ANKRD18B: variants seen among roughly 807,000 people sequenced by gnomAD.
The protein encoded by ANKRD18B is ankyrin repeat domain 18B.
ANKRD18B carries 75 observed loss-of-function variants against 111.8 expected under a neutral mutation model. That is an observed-to-expected ratio of 0.67 (90% CI 0.56 to 0.81). The LOEUF is 0.81. Among genes scored for constraint, ANKRD18B ranks in the 40% least tolerant of loss-of-function variants. The pLI, the probability that ANKRD18B is intolerant of heterozygous loss-of-function variation, is 0.00. For missense variants in ANKRD18B, 1,038 were observed against 1,225.5 expected (o/e 0.85, Z 2.28); for synonymous variants, 356 against 417.3 (o/e 0.85, Z 1.79).
chr9:33,546,938 C>G (rs775048826), intron 10 of ANKRD18B, among the ~76,000 whole-genome samples: 1 of 152,082 alleles, frequency 6.6e-6, no homozygotes, highest in African/African-American at 2.4e-5. Flanking sequence ...CAGTTTCACT[C>G]GGCTCCTTGT....
At chr9:33,567,078 A>C (rs2118133954) in intron 15 of ANKRD18B, 25 bp from the exon 16 acceptor site, 1 of 1,502,450 alleles carries the variant, frequency 6.7e-7, no homozygotes, top group Non-Finnish European at 8.9e-7. Flanking sequence ...TTGTTTTAAA[A>C]GTGTATTCTT....
At chr9:33,531,351 C>A (rs1353151423) in intron 3 of ANKRD18B, among the ~76,000 whole-genome samples, 1 of 152,152 alleles carries the variant, frequency 6.6e-6, no homozygotes, top group East Asian at 1.9e-4. Context: ...TTGGTTTATA[C>A]ACAATCATTT....
intron 14 of ANKRD18B, among the ~76,000 whole-genome samples, chr9:33,564,149 G>A (rs1488031383): frequency 6.6e-6 from 1 of 152,188 alleles, no homozygotes; most frequent in Non-Finnish European, 1.5e-5. Flanking sequence ...ACTTTGTAGA[G>A]ATGTCTTTCT....
At chr9:33,531,901 T>G (rs1314491996) in intron 3 of ANKRD18B, among the ~76,000 whole-genome samples, 2 of 152,016 alleles carry the variant, frequency 1.3e-5, no homozygotes, top group Non-Finnish European at 2.9e-5. Flanking sequence ...TTATGAATAT[T>G]GCAGACATTA....
intron 5 of ANKRD18B, among the ~76,000 whole-genome samples, chr9:33,535,159 G>A (rs560870079): frequency 6.6e-6 from 1 of 152,024 alleles, no homozygotes; most frequent in Non-Finnish European, 1.5e-5. Context: ...CTGTATTGCT[G>A]CCATTGTAAC....
At chr9:33,530,494 T>C (rs542121987) in intron 3 of ANKRD18B, among the ~76,000 whole-genome samples, 30 of 115,962 alleles carry the variant, frequency 2.6e-4, no homozygotes, top group African/African-American at 9.9e-4. Context: ...TAAAAATACA[T>C]AGTAAGACTC....
chr9:33,558,690 T>C (rs1310140118), intron 14 of ANKRD18B, among the ~76,000 whole-genome samples: 1 of 152,192 alleles, frequency 6.6e-6, no homozygotes, highest in East Asian at 1.9e-4. Flanking sequence ...CAATAATTTA[T>C]ATTTAAACGT....
chr9:33,550,163 G>A, intron 11 of ANKRD18B, among the ~76,000 whole-genome samples: 1 of 152,168 alleles, frequency 6.6e-6, no homozygotes, highest in East Asian at 1.9e-4. Context: ...GAATATGTGA[G>A]GAACTCAGGT....
chr9:33,548,611 G>A lies in ANKRD18B; in HGVS notation c.1823G>A (p.Gly608Glu), dbSNP rs1321085597. The change falls in exon 11 of 19, where the codon GGA becomes GAA. Residue 608 changes from glycine to glutamate, a missense_variant. Around this residue, in one of 4 missense-constraint regions of ANKRD18B, gnomAD observed 524 missense variants for 677.9 expected, o/e 0.77. Coordinates refer to ENST00000684830, the MANE Select transcript of ANKRD18B (RefSeq NM_001393611.1). Reference sequence around the variant, plus strand: ...GAAGCTAAAGAAAGTCAATCCATTGGAAAGCAGAACTCTTCAGAGGAGAGA... The same window carrying A: ...GAAGCTAAAGAAAGTCAATCCATTGAAAAGCAGAACTCTTCAGAGGAGAGA... ...NGEAKESQSI[G>E]KQNSSEERIR... 1 of 1,551,322 alleles carries A rather than the reference G, an allele frequency of 6.4e-7. No homozygotes were observed. The highest frequency in any genetic ancestry group is 2.4e-5 in the East Asian group (1 of 40,914).
In ANKRD18B at chr9:33,548,865, A is replaced by G. The variant is rs193129997; in HGVS notation, c.2067+10A>G. ...AAAAGCAGAAAGAGAAGTAAGTATG[A>G]AGAAAACTATAACCTTCTGGAAAGA... On this transcript the variant is annotated intron_variant, in intron 11 of 18. Transcript: ENST00000684830. The G allele has an allele frequency of 2.0e-5, 29 of 1,469,036 alleles. No homozygotes were observed. In the Admixed American group the frequency reaches 8.2e-4, roughly 42 times the overall value. The allele number at this position is 1,469,036 out of a possible 1,614,324, so 91.0% of individuals were successfully genotyped here. A position where few individuals can be genotyped will look rare whatever the true frequency, so the allele number is the denominator to read the frequency against.
At chr9:33,564,804 A>T (rs1041855951) in intron 14 of ANKRD18B, among the ~76,000 whole-genome samples, 2 of 152,102 alleles carry the variant, frequency 1.3e-5, no homozygotes, top group African/African-American at 4.8e-5. Context: ...GTGATACTGA[A>T]CATTTTTAAA....
At chr9:33,571,220 A>G in intron 17 of ANKRD18B, 26 bp from the exon 18 acceptor site, 1 of 839,834 alleles carries the variant, frequency 1.2e-6, no homozygotes, top group Non-Finnish European at 1.4e-6. Flanking sequence ...AAACATTATT[A>G]TTATTTTTTT....
chr9:33,551,548 T>C (rs1292104792), intron 12 of ANKRD18B, among the ~76,000 whole-genome samples: 2 of 152,110 alleles, frequency 1.3e-5, no homozygotes, highest in Non-Finnish European at 2.9e-5. Flanking sequence ...GCAGAATGTT[T>C]TCAGAATTTT....
chr9:33,537,342 G>C (rs1439046427), intron 6 of ANKRD18B, among the ~76,000 whole-genome samples: 1 of 151,920 alleles, frequency 6.6e-6, no homozygotes, highest in Non-Finnish European at 1.5e-5. Flanking sequence ...AATCATAAAA[G>C]AGCAGTTTAA....
intron 5 of ANKRD18B, among the ~76,000 whole-genome samples, chr9:33,536,406 T>G (rs954114460): frequency 6.6e-6 from 1 of 152,204 alleles, no homozygotes; most frequent in Non-Finnish European, 1.5e-5. Flanking sequence ...CCAAAATGGT[T>G]TCAGCAATGC....
In ANKRD18B at chr9:33,549,934, G is replaced by C. The variant is rs552791533; in HGVS notation, c.2068-496G>C. 2.0e-5 allele frequency among the ~76,000 whole-genome samples: 3 copies of C among 152,218 alleles called. No individual in the cohort carries two copies. The South Asian group carries it at 6.2e-4, about 32-fold the overall frequency. The stretch of plus-strand genomic sequence containing the variant: ...TTCCAGTACAAAGATACTTTTAGCT[G>C]TCTGTGATTTATGAGTTTGACATTG... On this transcript the variant is annotated intron_variant, in intron 11 of 18. Transcript: ENST00000684830.
chr9:33,560,557 C>A (rs1828591719), intron 14 of ANKRD18B, among the ~76,000 whole-genome samples: 1 of 152,208 alleles, frequency 6.6e-6, no homozygotes, highest in Admixed American at 6.5e-5. Context: ...TACTAAATTT[C>A]TTCTTATTGC....
intron 14 of ANKRD18B, among the ~76,000 whole-genome samples, chr9:33,559,422 C>A (rs1353368842): frequency 6.6e-6 from 1 of 152,044 alleles, no homozygotes; most frequent in Non-Finnish European, 1.5e-5. Flanking sequence ...AGCTTCTTCT[C>A]TCTGTGATGC....
In ANKRD18B at chr9:33,568,962, A is replaced by C. The variant is rs1371526530; in HGVS notation, c.3177+69A>C. The C allele has an allele frequency of 2.9e-6, 4 of 1,374,472 alleles. No individual in the cohort carries two copies. In the East Asian group the frequency reaches 1.0e-4, roughly 35 times the overall value. The allele number at this position is 1,374,472 out of a possible 1,614,324, so 85.1% of individuals were successfully genotyped here. ...TATAATTCTTGTTTATAATTTGGTG[A>C]AATACTGAGTTGTTCTGTTGACTTA... On this transcript the variant is annotated intron_variant, in intron 17 of 18. Transcript: ENST00000684830.
Sources: gnomAD v4.1 joint callset for allele counts (sites outside exome capture counted in the v4.1 genomes callset) on GRCh38, gnomAD v4.1.1 for gene constraint, gnomAD v4.1.1 regional missense constraint, MANE v1.5 for transcripts, NCBI Gene and HGNC (gene_info 2026-07-23, HGNC 2026-07-21) for gene names.